Variants in MYH15 observed in about 807,000 individuals in gnomAD.
The protein encoded by MYH15 is myosin heavy chain 15.
A neutral mutation model predicts 240.5 loss-of-function variants in MYH15; 227 were observed. The ratio of observed to expected loss-of-function variants is 0.94; its 90% CI spans 0.85 to 1.05. MYH15 has a LOEUF of 1.05. Ranked by LOEUF, MYH15 falls within the 50% of genes least tolerant of loss-of-function variation. The pLI is 0.00. For missense variants in MYH15, 2,217 were observed against 2,247.5 expected (o/e 0.99, Z 0.27); for synonymous variants, 785 against 796.7 (o/e 0.99, Z 0.25).
In MYH15 at chr3:108,477,663, A is replaced by G. The variant is rs115783470; in HGVS notation, c.1115-1148T>C. 5.3e-3 allele frequency among the ~76,000 whole-genome samples: 813 copies of G among 152,294 alleles called. 5 individuals carry two copies. The highest frequency in any genetic ancestry group is 0.015 in the African/African-American group (626 of 41,564). On this transcript the variant is annotated intron_variant, in intron 11 of 40. Coordinates refer to ENST00000693548, the MANE Select transcript of MYH15 (RefSeq NM_014981.3). Reference sequence around the variant, plus strand: ...GATAATTATAGACAAGCACCAATCAACAGAAGCCAGGACACTTGCCAGCTA... The same window carrying G: ...GATAATTATAGACAAGCACCAATCAGCAGAAGCCAGGACACTTGCCAGCTA...
chr3:108,394,850 G>A (rs1379322224), intron 35 of MYH15, among the ~76,000 whole-genome samples: 4 of 152,146 alleles, frequency 2.6e-5, no homozygotes, highest in East Asian at 1.9e-4. Context: ...GTGAAAACTC[G>A]CAGTGTATAT....
Position 108,505,837 on chromosome 3 carries a change from GCA to G in MYH15, c.89-10_89-9del. 5.8e-6 allele frequency: 8 copies of G among 1,369,186 alleles called. No homozygotes were observed. The highest frequency in any genetic ancestry group is 5.4e-5 in the Admixed American group (2 of 36,820). The allele number at this position is 1,369,186 out of a possible 1,614,324, so 84.8% of individuals were successfully genotyped here. Reference sequence around the variant, plus strand: ...TCCAGCATTTCTTCTTCCCTGTAGAGCAAAAAAAAAAAAAAATGGATTATAGC... The same window carrying G: ...TCCAGCATTTCTTCTTCCCTGTAGAGAAAAAAAAAAAAAATGGATTATAGC... On this transcript the variant is annotated splice_polypyrimidine_tract_variant and intron_variant, in intron 1 of 40. Transcript: ENST00000693548.
intron 5 of MYH15, among the ~76,000 whole-genome samples, chr3:108,499,249 A>G (rs2083418068): frequency 6.6e-6 from 1 of 152,190 alleles, no homozygotes; most frequent in African/African-American, 2.4e-5. Flanking sequence ...AGGGAGGCAG[A>G]CTAGCTGACC....
At chr3:108,383,561 A>G (rs1271524289) in intron 40 of MYH15, 34 bp downstream of exon 40, 3 of 1,603,714 alleles carry the variant, frequency 1.9e-6, no homozygotes, top group Admixed American at 1.7e-5. Context: ...AAACATGATT[A>G]AAGAGTTAGA....
chr3:108,435,903 G>A (rs1560361855), intron 25 of MYH15, among the ~76,000 whole-genome samples: 1 of 150,824 alleles, frequency 6.6e-6, no homozygotes, highest in Non-Finnish European at 1.5e-5. Context: ...TGAATATTTA[G>A]GTTGCTTCTA....
At chr3:108,507,073 G>A (rs1208161317) in intron 1 of MYH15, among the ~76,000 whole-genome samples, 1 of 151,694 alleles carries the variant, frequency 6.6e-6, no homozygotes, top group East Asian at 1.9e-4. Context: ...AGGTGTGATG[G>A]TGCATGACTG....
At chr3:108,454,175 T>C in intron 20 of MYH15, 33 bp from the exon 21 acceptor site, 2 of 1,584,544 alleles carry the variant, frequency 1.3e-6, no homozygotes, top group East Asian at 2.3e-5. Flanking sequence ...GCTCCACTGA[T>C]AATGGGTATT....
chr3:108,472,636 C>A (rs964004323), intron 12 of MYH15, among the ~76,000 whole-genome samples: 12 of 152,150 alleles, frequency 7.9e-5, no homozygotes, highest in African/African-American at 2.9e-4. Context: ...CTTGCTCACC[C>A]CCTTTTAATT....
In MYH15 at chr3:108,485,044, G is replaced by A. The variant is rs773158531; in HGVS notation, c.1114+47C>T. The A allele has an allele frequency of 3.8e-6, 6 of 1,594,992 alleles. No homozygotes were observed. In the Admixed American group the frequency reaches 6.8e-5, roughly 18 times the overall value. ...TGCAAGGTAAAGGGGAGCAGGCTTG[G>A]GCCCAGAGATTTGAAGTATATACCA... On this transcript the variant is annotated intron_variant, in intron 11 of 40. Coordinates refer to ENST00000693548, the MANE Select transcript of MYH15 (RefSeq NM_014981.3).
At chr3:108,430,700 A>G (rs1403174150) in intron 26 of MYH15, 132 bp downstream of exon 26, 1 of 582,934 alleles carries the variant, frequency 1.7e-6, no homozygotes, top group African/African-American at 1.9e-5. Flanking sequence ...CTTCTTAACC[A>G]CTGTTCTTTT....
intron 12 of MYH15, among the ~76,000 whole-genome samples, chr3:108,473,817 G>A (rs186688395): frequency 6.6e-6 from 1 of 152,146 alleles, no homozygotes; most frequent in Non-Finnish European, 1.5e-5. Context: ...TTCACCTTGG[G>A]ATGGTATCTC....
chr3:108,457,649 C>G (rs2083034368), intron 18 of MYH15, among the ~76,000 whole-genome samples: 1 of 152,122 alleles, frequency 6.6e-6, no homozygotes, highest in Non-Finnish European at 1.5e-5. Flanking sequence ...AAAAAGGACT[C>G]CATGCCCAAG....
intron 2 of MYH15, among the ~76,000 whole-genome samples, chr3:108,503,507 C>T (rs1177733377): frequency 6.6e-6 from 1 of 152,168 alleles, no homozygotes; most frequent in East Asian, 1.9e-4. Context: ...CTTGAATAGA[C>T]ATTTCTCTGA....
At chr3:108,534,015 G>A (rs1249202843), upstream of MYH15, among the ~76,000 whole-genome samples, 1 of 152,228 alleles carries the variant, frequency 6.6e-6, no homozygotes, top group East Asian at 1.9e-4. Flanking sequence ...CTCTTAAAAC[G>A]ATTGACTTAT....
chr3:108,420,987 T>C lies in MYH15; in HGVS notation c.3829+101A>G, dbSNP rs528389455. 2.7e-6 allele frequency: 4 copies of C among 1,505,770 alleles called. No individual in the cohort carries two copies. The South Asian group carries it at 4.9e-5, about 18-fold the overall frequency. The allele number at this position is 1,505,770 out of a possible 1,614,324, so 93.3% of individuals were successfully genotyped here. ...GCATTCCTCCCCTAGGATCTTCAGA[T>C]GCCCACTCAGCCTCAGTGGGTAGTT... On this transcript the variant is annotated intron_variant, in intron 28 of 40. Transcript: ENST00000693548.
chr3:108,394,743 C>A (rs566952426), intron 35 of MYH15, among the ~76,000 whole-genome samples: 44 of 152,308 alleles, frequency 2.9e-4, no homozygotes, highest in Non-Finnish European at 4.7e-4. Context: ...GTGGTTGGTG[C>A]TGCCCTAATT....
At chr3:108,450,747 T>G (rs1373218840) in intron 21 of MYH15, among the ~76,000 whole-genome samples, 1 of 152,200 alleles carries the variant, frequency 6.6e-6, no homozygotes, top group Non-Finnish European at 1.5e-5. Context: ...ATTAATCAGT[T>G]TGATTGTGGT....
intron 27 of MYH15, among the ~76,000 whole-genome samples, chr3:108,427,144 T>A (rs1286469670): frequency 6.6e-6 from 1 of 152,236 alleles, no homozygotes; most frequent in Non-Finnish European, 1.5e-5. Flanking sequence ...AGATGAGACT[T>A]TAGACTTTTG....
chr3:108,483,115 G>A (rs999868701), intron 11 of MYH15, among the ~76,000 whole-genome samples: 3 of 150,552 alleles, frequency 2.0e-5, no homozygotes, highest in Non-Finnish European at 2.9e-5. Context: ...CACAAGAATC[G>A]CTTGAACCTG....
Sources: gnomAD v4.1 joint callset for allele counts (sites outside exome capture counted in the v4.1 genomes callset) on GRCh38, gnomAD v4.1.1 for gene constraint, MANE v1.5 for transcripts, NCBI Gene and HGNC (gene_info 2026-07-23, HGNC 2026-07-21) for gene names.